Variants in NEGR1 observed in about 807,000 individuals in gnomAD.
NEGR1 encodes the protein IgLON family member 4.
NEGR1 carries 10 observed loss-of-function variants against 40.9 expected under a neutral mutation model. The observed-to-expected ratio is 0.24, with a 90% CI of 0.15 to 0.42. NEGR1 has a LOEUF of 0.42. Ranked by LOEUF, NEGR1 falls within the 10% of genes least tolerant of loss-of-function variation. The probability of loss-of-function intolerance (pLI) is 1.00; values close to 1 mark genes in which losing one functional copy is unlikely to be tolerated. For missense variants in NEGR1, 352 were observed against 438.9 expected (o/e 0.80, Z 1.77); for synonymous variants, 185 against 166.8 (o/e 1.11, Z -0.84).
chr1:71,689,761 G>T, intron 4 of NEGR1, among the ~76,000 whole-genome samples: 1 of 150,504 alleles, frequency 6.6e-6, no homozygotes, highest in Non-Finnish European at 1.5e-5. Flanking sequence ...GAGAGGAGAG[G>T]AAACGAATAA....
chr1:71,820,573 T>C (rs1362894312), intron 2 of NEGR1, among the ~76,000 whole-genome samples: 11 of 151,960 alleles, frequency 7.2e-5, no homozygotes, highest in Admixed American at 3.3e-4. Context: ...AGGGGACATA[T>C]GACACATGAT....
intron 6 of NEGR1, among the ~76,000 whole-genome samples, chr1:71,499,092 A>C (rs1569951097): frequency 6.6e-6 from 1 of 152,274 alleles, no homozygotes; most frequent in African/African-American, 2.4e-5. Context: ...AAAAAATTTA[A>C]GTAATGTTAG....
At chr1:72,123,727 G>A (rs12027266) in intron 1 of NEGR1, among the ~76,000 whole-genome samples, 1 of 151,808 alleles carries the variant, frequency 6.6e-6, no homozygotes, top group Non-Finnish European at 1.5e-5. Context: ...TTATCAAAAA[G>A]GATGAGGTAA....
At chr1:71,650,989 A>T (rs1651694972) in intron 4 of NEGR1, among the ~76,000 whole-genome samples, 1 of 152,174 alleles carries the variant, frequency 6.6e-6, no homozygotes, top group African/African-American at 2.4e-5. Flanking sequence ...ACTTTTCTAA[A>T]AGCAAAACAA....
chr1:71,451,458 C>T (rs946045606), intron 6 of NEGR1, among the ~76,000 whole-genome samples: 4 of 151,742 alleles, frequency 2.6e-5, no homozygotes, highest in Non-Finnish European at 5.9e-5. Flanking sequence ...CTCAGCCTCC[C>T]GAGTAGCTGG....
chr1:71,603,839 A>G (rs1441564339), intron 5 of NEGR1, among the ~76,000 whole-genome samples: 1 of 152,174 alleles, frequency 6.6e-6, no homozygotes, highest in Non-Finnish European at 1.5e-5. Flanking sequence ...ACCATAAGTA[A>G]AAATCAGTAT....
At chr1:71,671,429 A>T (rs1229029285) in intron 4 of NEGR1, among the ~76,000 whole-genome samples, 1 of 152,202 alleles carries the variant, frequency 6.6e-6, no homozygotes, top group African/African-American at 2.4e-5. Context: ...AATGCACTGA[A>T]ATAAGGGGAA....
chr1:71,524,831 G>A (rs1020886709), intron 6 of NEGR1, among the ~76,000 whole-genome samples: 2 of 151,682 alleles, frequency 1.3e-5, no homozygotes, highest in African/African-American at 2.4e-5. Context: ...CAGTGTCACC[G>A]TGATGTGACA....
At chr1:71,652,818 C>T (rs1651760258) in intron 4 of NEGR1, among the ~76,000 whole-genome samples, 1 of 151,778 alleles carries the variant, frequency 6.6e-6, no homozygotes, top group African/African-American at 2.4e-5. Context: ...GAGCAGAGAT[C>T]ATACTACTGC....
intron 1 of NEGR1, among the ~76,000 whole-genome samples, chr1:72,014,932 A>C (rs908402496): frequency 3.9e-5 from 6 of 152,128 alleles, no homozygotes; most frequent in African/African-American, 1.4e-4. Context: ...TCTTTCATAA[A>C]GTAATGCACC....
chr1:71,414,903 G>T (rs1015758740), intron 6 of NEGR1, among the ~76,000 whole-genome samples: 3 of 152,040 alleles, frequency 2.0e-5, no homozygotes, highest in Non-Finnish European at 4.4e-5. Context: ...CTCTCAGTGT[G>T]GTCGACTAAC....
At chr1:71,802,535 G>A (rs1214914828) in intron 2 of NEGR1, among the ~76,000 whole-genome samples, 1 of 152,174 alleles carries the variant, frequency 6.6e-6, no homozygotes, top group Non-Finnish European at 1.5e-5. Flanking sequence ...CTCAGAGAGG[G>A]TGGGGCCACC....
Position 71,402,893 on chromosome 1 carries a change from T to C in NEGR1, c.*4553A>G, listed in dbSNP as rs935037914. On this transcript the variant is annotated 3_prime_UTR_variant, in exon 7 of 7. Coordinates refer to ENST00000357731, the MANE Select transcript of NEGR1 (RefSeq NM_173808.3). ...GTTTCTGTTTCTGTGATGTAATTTATGCAAGATAGATAAGATAGATGTTGA... is the reference window on the plus strand; with the variant it reads ...GTTTCTGTTTCTGTGATGTAATTTACGCAAGATAGATAAGATAGATGTTGA... 4 of 152,136 alleles carry C rather than the reference T, an allele frequency of 2.6e-5. No individual in the cohort carries two copies. Among genetic ancestry groups the C allele is most frequent in the Admixed American group, 2.6e-4 (4 of 15,260 alleles). The allele number at this position is 152,136 out of a possible 1,614,324, so 9.4% of individuals were successfully genotyped here.
At chr1:71,770,518 T>C (rs761275440) in intron 3 of NEGR1, among the ~76,000 whole-genome samples, 18 of 152,176 alleles carry the variant, frequency 1.2e-4, no homozygotes, top group Non-Finnish European at 1.8e-4. Context: ...AATTGTATGG[T>C]ATAAAATCAA....
At chr1:72,279,368 T>C (rs896153471) in intron 1 of NEGR1, among the ~76,000 whole-genome samples, 1 of 152,214 alleles carries the variant, frequency 6.6e-6, no homozygotes, top group African/African-American at 2.4e-5. Flanking sequence ...ACAGAGTCAC[T>C]GACTGGCATG....
chr1:71,505,660 G>A (rs192558025), intron 6 of NEGR1, among the ~76,000 whole-genome samples: 3 of 152,304 alleles, frequency 2.0e-5, no homozygotes, highest in Admixed American at 6.5e-5. Flanking sequence ...ATTTTGGGCA[G>A]TCCCTTCTAC....
intron 1 of NEGR1, among the ~76,000 whole-genome samples, chr1:72,216,179 A>C (rs559295922): frequency 2.0e-5 from 3 of 151,820 alleles, no homozygotes; most frequent in South Asian, 2.1e-4. Flanking sequence ...GGACACAGGA[A>C]GGTAACATCA....
intron 6 of NEGR1, among the ~76,000 whole-genome samples, chr1:71,509,168 G>A (rs190528258): frequency 2.6e-4 from 39 of 152,318 alleles, no homozygotes; most frequent in Middle Eastern, 6.8e-3. Flanking sequence ...TGCATGTGCT[G>A]TGAGATGACC....
At chr1:71,993,864 G>T (rs955063498) in intron 1 of NEGR1, among the ~76,000 whole-genome samples, 9 of 152,118 alleles carry the variant, frequency 5.9e-5, no homozygotes, top group African/African-American at 2.2e-4. Flanking sequence ...CTACTTGAGA[G>T]AGTAACCCTG....
Sources: gnomAD v4.1 joint callset for allele counts (sites outside exome capture counted in the v4.1 genomes callset) on GRCh38, gnomAD v4.1.1 for gene constraint, MANE v1.5 for transcripts, NCBI Gene and HGNC (gene_info 2026-07-23, HGNC 2026-07-21) for gene names.